Variants in EXT1 observed in about 807,000 individuals in gnomAD.
The protein encoded by EXT1 is exostosin-1.
EXT1 carries 20 observed loss-of-function variants against 82.5 expected under a neutral mutation model. The ratio of observed to expected loss-of-function variants is 0.24; its 90% CI spans 0.17 to 0.35. The LOEUF (loss-of-function observed/expected upper bound fraction) is 0.35, where lower values mean the gene tolerates loss of function less well. Among genes scored for constraint, EXT1 ranks in the 10% least tolerant of loss-of-function variants. The probability of loss-of-function intolerance (pLI) is 1.00; values close to 1 mark genes in which losing one functional copy is unlikely to be tolerated. For missense variants in EXT1, 757 were observed against 936.5 expected, an observed-to-expected ratio of 0.81 and a Z score of 2.50; for synonymous variants, 348 against 350.8, an observed-to-expected ratio of 0.99 and a Z score of 0.09.
intron 1 of EXT1, among the ~76,000 whole-genome samples, chr8:118,107,286 T>C (rs1174288059): frequency 2.6e-5 from 4 of 151,342 alleles, no homozygotes; most frequent in Non-Finnish European, 5.9e-5. Context: ...AAACTGAAGC[T>C]TTTTTTTTCC....
chr8:117,843,163 T>C (rs1307061505), intron 1 of EXT1, among the ~76,000 whole-genome samples: 1 of 152,172 alleles, frequency 6.6e-6, no homozygotes, highest in Non-Finnish European at 1.5e-5. Flanking sequence ...CTAAAGTGCA[T>C]GGGGATGAGA....
intron 8 of EXT1, among the ~76,000 whole-genome samples, chr8:117,811,530 G>A (rs992204889): frequency 4.6e-5 from 7 of 152,066 alleles, no homozygotes; most frequent in African/African-American, 1.7e-4. Context: ...GTGAGGTCCA[G>A]GACATTTTGT....
At chr8:118,080,319 T>A (rs893255762) in intron 1 of EXT1, among the ~76,000 whole-genome samples, 2 of 152,178 alleles carry the variant, frequency 1.3e-5, no homozygotes, top group Admixed American at 1.3e-4. Context: ...ATATCATCCA[T>A]TTTTTAACCA....
chr8:117,991,907 G>A (rs960581937), intron 1 of EXT1, among the ~76,000 whole-genome samples: 2 of 152,286 alleles, frequency 1.3e-5, no homozygotes, highest in South Asian at 2.1e-4. Context: ...TCTAATAAGG[G>A]AATGGGTCAG....
chr8:117,991,033 A>G (rs1300481604), intron 1 of EXT1, among the ~76,000 whole-genome samples: 2 of 152,178 alleles, frequency 1.3e-5, no homozygotes, highest in African/African-American at 4.8e-5. Flanking sequence ...ACAAGGCACC[A>G]GGAGGCTTAA....
chr8:117,914,268 C>T (rs139478177), intron 1 of EXT1, among the ~76,000 whole-genome samples: 261 of 152,318 alleles, frequency 1.7e-3, no homozygotes, highest in African/African-American at 6.1e-3. Context: ...ATTTCTTACA[C>T]TTGTCTTACT....
At chr8:117,867,481 A>T (rs905887443) in intron 1 of EXT1, among the ~76,000 whole-genome samples, 1 of 152,120 alleles carries the variant, frequency 6.6e-6, no homozygotes. Context: ...GGTTTGTGTG[A>T]ACTGGCTACC....
At chr8:117,897,792 G>A (rs1254617724) in intron 1 of EXT1, among the ~76,000 whole-genome samples, 3 of 151,438 alleles carry the variant, frequency 2.0e-5, no homozygotes, top group Non-Finnish European at 2.9e-5. Context: ...ATGAGGTTTC[G>A]AGGTTTCACC....
intron 1 of EXT1, among the ~76,000 whole-genome samples, chr8:117,848,369 A>C (rs1812399617): frequency 6.6e-6 from 1 of 152,162 alleles, no homozygotes; most frequent in African/African-American, 2.4e-5. Context: ...ACCCTGGGGA[A>C]GATGGTCTGT....
intron 1 of EXT1, among the ~76,000 whole-genome samples, chr8:117,973,930 CAAGGAAGGAAGG>C (rs759924955): frequency 0.015 from 1,197 of 79,532 alleles, 30 homozygotes; most frequent in African/African-American, 0.051. Context: ...AGGCAGAAAG[CAAGGAAGGAAGG>C]AAGGAAGGAA....
intron 4 of EXT1, among the ~76,000 whole-genome samples, chr8:117,827,209 T>G (rs1451790075): frequency 6.6e-6 from 1 of 152,204 alleles, no homozygotes; most frequent in Admixed American, 6.5e-5. Context: ...CCTAGGCTCT[T>G]TGGCTCATTA....
chr8:117,942,044 C>T (rs897822959), intron 1 of EXT1, among the ~76,000 whole-genome samples: 12 of 152,330 alleles, frequency 7.9e-5, no homozygotes, highest in Admixed American at 1.3e-4. Context: ...GGCCCCAACA[C>T]TGATGACCTT....
chr8:117,901,743 C>T (rs1235041381), intron 1 of EXT1, among the ~76,000 whole-genome samples: 2 of 152,154 alleles, frequency 1.3e-5, no homozygotes, highest in East Asian at 3.9e-4. Flanking sequence ...GTCTCCTAGG[C>T]TGGAGTGCAG....
At chr8:117,963,434 T>C (rs1289527749) in intron 1 of EXT1, among the ~76,000 whole-genome samples, 1 of 152,166 alleles carries the variant, frequency 6.6e-6, no homozygotes, top group African/African-American at 2.4e-5. Flanking sequence ...CTTTGGCCTT[T>C]TGAACACGGC....
intron 1 of EXT1, among the ~76,000 whole-genome samples, chr8:118,064,172 CTT>C (rs1049648149): frequency 6.6e-6 from 1 of 152,028 alleles, no homozygotes; most frequent in Non-Finnish European, 1.5e-5. Context: ...TCGCTACACA[CTT>C]TTTTTCTTTT....
In EXT1 at chr8:117,870,973, G is replaced by C. The variant is rs17503886; in HGVS notation, c.963-33772C>G. On this transcript the variant is annotated intron_variant, in intron 1 of 10. Transcript: ENST00000378204. ...TATTCTGCAGAAGGGTAAAGCAATA[G>C]AGAGAAAAAAGGTTAAAAGAGCAAA... Among the ~76,000 whole-genome samples the C allele has an allele frequency of 4.9e-3, 750 of 152,194 alleles. 5 individuals are homozygous for C. Among genetic ancestry groups the C allele is most frequent in the African/African-American group, 0.016 (650 of 41,524 alleles).
At chr8:118,020,694 C>T (rs1000657766) in intron 1 of EXT1, among the ~76,000 whole-genome samples, 13 of 152,136 alleles carry the variant, frequency 8.5e-5, no homozygotes, top group Non-Finnish European at 1.5e-4. Context: ...TGGGTTAGCA[C>T]GGATGAAGGA....
chr8:118,046,796 C>G (rs1816629767), intron 1 of EXT1, among the ~76,000 whole-genome samples: 1 of 152,194 alleles, frequency 6.6e-6, no homozygotes, highest in Non-Finnish European at 1.5e-5. Flanking sequence ...AGTCCCTCCT[C>G]CAGGAAGTAT....
At chr8:117,970,098 G>A (rs1814907875) in intron 1 of EXT1, among the ~76,000 whole-genome samples, 1 of 152,150 alleles carries the variant, frequency 6.6e-6, no homozygotes, top group African/African-American at 2.4e-5. Flanking sequence ...GTCTTTAGGT[G>A]GAATTCATGA....
Sources: gnomAD v4.1 joint callset for allele counts (sites outside exome capture counted in the v4.1 genomes callset) on GRCh38, gnomAD v4.1.1 for gene constraint, MANE v1.5 for transcripts, NCBI Gene and HGNC (gene_info 2026-07-23, HGNC 2026-07-21) for gene names.